GRHL2: variants seen among roughly 807,000 people sequenced by gnomAD.
The protein encoded by GRHL2 is grainyhead like transcription factor 2, also known as grainyhead-like protein 2 homolog.
GRHL2 carries 21 observed loss-of-function variants against 83.8 expected under a neutral mutation model. The observed-to-expected ratio is 0.25, with a 90% confidence interval of 0.18 to 0.36. The LOEUF is 0.36. Ranked by LOEUF, GRHL2 falls within the 10% of genes least tolerant of loss-of-function variation. GRHL2 has a pLI of 1.00. For synonymous variants in GRHL2, 280 were observed against 278.9 expected, an observed-to-expected ratio of 1.00 and a Z score of -0.04; for missense variants, 623 against 781.8, an observed-to-expected ratio of 0.80 and a Z score of 2.42.
At chr8:101,554,725 T>C (rs78519386) in intron 3 of GRHL2, among the ~76,000 whole-genome samples, 3,654 of 152,316 alleles carry the variant, frequency 0.024, 142 homozygotes, top group African/African-American at 0.077. Flanking sequence ...AGAATCTCAA[T>C]GACATGATCC....
chr8:101,576,289 T>C (rs1391194752), intron 6 of GRHL2, among the ~76,000 whole-genome samples: 2 of 152,172 alleles, frequency 1.3e-5, no homozygotes, highest in African/African-American at 2.4e-5. Context: ...TCACTACTCA[T>C]TGAAGCCTCA....
chr8:101,564,944 G>A (rs1811686315), intron 4 of GRHL2, among the ~76,000 whole-genome samples: 1 of 152,096 alleles, frequency 6.6e-6, no homozygotes, highest in Non-Finnish European at 1.5e-5. Context: ...GCACTGTGGT[G>A]ATGTGGAAGC....
At chr8:101,567,372 G>A (rs556678633) in intron 4 of GRHL2, among the ~76,000 whole-genome samples, 25 of 152,240 alleles carry the variant, frequency 1.6e-4, no homozygotes, top group African/African-American at 5.3e-4. Flanking sequence ...ATAGGTCTCC[G>A]AGCAACTGTG....
intron 4 of GRHL2, among the ~76,000 whole-genome samples, chr8:101,561,501 A>G (rs1488967356): frequency 6.6e-6 from 1 of 152,202 alleles, no homozygotes; most frequent in African/African-American, 2.4e-5. Context: ...GCTTCATCAA[A>G]CAATGTCATT....
intron 13 of GRHL2, among the ~76,000 whole-genome samples, chr8:101,647,999 AG>A (rs1250858583): frequency 6.6e-6 from 1 of 152,096 alleles, no homozygotes; most frequent in African/African-American, 2.4e-5. Context: ...CAGAGTTGGC[AG>A]GGTTTTTTGC....
chr8:101,509,909 G>T (rs755479853), intron 1 of GRHL2, among the ~76,000 whole-genome samples: 1 of 152,034 alleles, frequency 6.6e-6, no homozygotes, highest in African/African-American at 2.4e-5. Flanking sequence ...ACAAATAATG[G>T]TTCTCCTCCA....
chr8:101,558,495 C>T lies in GRHL2; in HGVS notation c.361C>T (p.Pro121Ser). ...CCGAGTGCAAGTCCTAAAGACTGTT[C>T]CAGTGAACCTTTCCCTAAATCAAGA... ...ENRVQVLKTVPVNLSLNQDHL... is the reference protein window; with the variant it reads ...ENRVQVLKTVSVNLSLNQDHL... The change falls in exon 4 of 16, where the codon CCA (proline) becomes TCA (serine). Residue 121 changes from proline to serine, a missense_variant. By Grantham distance (74) the Pro-to-Ser change is moderately conservative. This residue lies in a region of GRHL2 where 239 missense variants were observed against 240.5 expected (regional missense o/e 0.99). Coordinates refer to ENST00000646743, the MANE Select transcript of GRHL2 (RefSeq NM_024915.4). The T allele has an allele frequency of 6.2e-7, 1 of 1,614,100 alleles. No homozygotes were observed. The highest frequency in any genetic ancestry group is 8.5e-7 in the Non-Finnish European group (1 of 1,179,996).
intron 4 of GRHL2, chr8:101,562,270 A>G (rs1811622709): frequency 1.7e-6 from 1 of 601,766 alleles, no homozygotes; most frequent in African/African-American, 1.8e-5. Context: ...TCATTTCTAC[A>G]TTTTTCAAAT....
intron 1 of GRHL2, among the ~76,000 whole-genome samples, chr8:101,498,203 C>G (rs1449705491): frequency 6.6e-6 from 1 of 152,240 alleles, no homozygotes; most frequent in Non-Finnish European, 1.5e-5. Flanking sequence ...ACTGCAACCT[C>G]CGCCTCCCAA....
intron 7 of GRHL2, among the ~76,000 whole-genome samples, chr8:101,580,948 C>G (rs1474427584): frequency 6.6e-6 from 1 of 152,150 alleles, no homozygotes; most frequent in Non-Finnish European, 1.5e-5. Flanking sequence ...CGTGATCTGC[C>G]CGTCTCAGCC....
chr8:101,614,486 C>T (rs533833332), intron 8 of GRHL2, among the ~76,000 whole-genome samples: 1 of 151,466 alleles, frequency 6.6e-6, no homozygotes, highest in East Asian at 1.9e-4. Context: ...TTTCTTAACG[C>T]TTGGGAGACA....
At chr8:101,652,235 G>A (rs768273415) in intron 14 of GRHL2, among the ~76,000 whole-genome samples, 1 of 152,070 alleles carries the variant, frequency 6.6e-6, no homozygotes, top group African/African-American at 2.4e-5. Context: ...TTGGTAATAT[G>A]CATGTGTATA....
intron 4 of GRHL2, among the ~76,000 whole-genome samples, chr8:101,560,495 A>G (rs942618682): frequency 6.6e-6 from 1 of 152,210 alleles, no homozygotes; most frequent in Non-Finnish European, 1.5e-5. Flanking sequence ...CAACATGGAC[A>G]TATGCTTTCA....
chr8:101,578,038 C>T (rs968606463), intron 7 of GRHL2, among the ~76,000 whole-genome samples: 9 of 152,152 alleles, frequency 5.9e-5, no homozygotes, highest in African/African-American at 1.9e-4. Context: ...AGTGAATCTG[C>T]CAGGAGTCTG....
chr8:101,556,037 C>T (rs1395812748), intron 3 of GRHL2, among the ~76,000 whole-genome samples: 4 of 152,156 alleles, frequency 2.6e-5, no homozygotes, highest in African/African-American at 9.7e-5. Context: ...CTCACTGCAA[C>T]CTCCGATCCC....
At chr8:101,577,298 A>T (rs1043344768) in intron 6 of GRHL2, 110 bp from the exon 7 acceptor site, 59 of 747,944 alleles carry the variant, frequency 7.9e-5, no homozygotes, top group Admixed American at 4.2e-4. Flanking sequence ...TTTCTAAAGC[A>T]AGAAAAGCAA....
At chr8:101,583,378 C>A (rs1346925164) in intron 7 of GRHL2, among the ~76,000 whole-genome samples, 2 of 152,136 alleles carry the variant, frequency 1.3e-5, no homozygotes, top group East Asian at 3.9e-4. Context: ...GCTGATAGAG[C>A]CTTGATGACT....
chr8:101,560,377 A>G (rs1472666576), intron 4 of GRHL2, among the ~76,000 whole-genome samples: 1 of 152,218 alleles, frequency 6.6e-6, no homozygotes, highest in Non-Finnish European at 1.5e-5. Flanking sequence ...GTAGTATTTC[A>G]TAGTGAGTGT....
chr8:101,604,044 A>G (rs1431512150), intron 8 of GRHL2, among the ~76,000 whole-genome samples: 1 of 149,234 alleles, frequency 6.7e-6, no homozygotes, highest in Non-Finnish European at 1.5e-5. Context: ...AAGCCATAAA[A>G]CAATGGGAAG....
Sources: gnomAD v4.1 joint callset for allele counts (sites outside exome capture counted in the v4.1 genomes callset) on GRCh38, gnomAD v4.1.1 for gene constraint, gnomAD v4.1.1 regional missense constraint, MANE v1.5 for transcripts, NCBI Gene and HGNC (gene_info 2026-07-23, HGNC 2026-07-21) for gene names.